Variants in PHF8 observed in about 807,000 individuals in gnomAD.
PHF8 encodes histone lysine demethylase PHF8.
In PHF8, 9 loss-of-function variants were observed where a neutral mutation model predicts 74.4. The observed-to-expected ratio is 0.12, with a 90% CI of 0.07 to 0.21. The LOEUF (loss-of-function observed/expected upper bound fraction) is 0.21, where lower values mean the gene tolerates loss of function less well. Ranked by LOEUF, PHF8 falls within the 10% of genes least tolerant of loss-of-function variation. The probability of loss-of-function intolerance (pLI) is 1.00; values close to 1 mark genes in which losing one functional copy is unlikely to be tolerated. For synonymous variants in PHF8, 311 were observed against 316.6 expected (o/e 0.98, Z 0.19); for missense variants, 478 against 816.6 (o/e 0.59, Z 5.05).
intron 19 of PHF8, among the ~76,000 whole-genome samples, chrX:53,958,775 C>CAA (rs1203323417): frequency 0.041 from 534 of 13,133 alleles, 60 homozygotes; most frequent in African/African-American, 0.11. Context: ...GACTCCCTCT[C>CAA]AAAAAAAAAA....
chrX:54,013,360 C>A (rs1788069168), intron 7 of PHF8, among the ~76,000 whole-genome samples: 1 of 111,268 alleles, frequency 9.0e-6, no homozygotes, highest in African/African-American at 3.3e-5. Flanking sequence ...ATACAACTGA[C>A]AAAATTCATC....
chrX:54,018,473 TA>T (rs1557108841), intron 4 of PHF8, among the ~76,000 whole-genome samples: 1 of 102,042 alleles, frequency 9.8e-6, no homozygotes, highest in African/African-American at 3.8e-5. Context: ...TTTTTTTTTT[TA>T]AAGAAAAGAA....
intron 19 of PHF8, among the ~76,000 whole-genome samples, chrX:53,954,393 G>C (rs2064978264): frequency 9.5e-6 from 1 of 105,623 alleles, no homozygotes; most frequent in Non-Finnish European, 1.9e-5. Flanking sequence ...CCAGCTACTG[G>C]GGAGGCTGAG....
chrX:53,984,933 G>A lies in PHF8; in HGVS notation c.2424C>T (p.Cys808=). The A allele has an allele frequency of 8.3e-7, 1 of 1,209,763 alleles. No homozygotes were observed. The highest frequency in any genetic ancestry group is 1.8e-5 in the South Asian group (1 of 56,861). ...CCTTACTATACTCTGCATCCTTGAA[G>A]CACGCTCCCAAGCTGTCCTGTTCAT... ...SLDEQDSLGA[C]FKDAEYIYPS... The change falls in exon 18 of 22, where the codon TGC becomes TGT. Residue 808 remains cysteine, a synonymous_variant. Coordinates refer to ENST00000338154, the MANE Select transcript of PHF8 (RefSeq NM_015107.3).
At chrX:54,032,696 C>T (rs1268989568) in intron 2 of PHF8, among the ~76,000 whole-genome samples, 2 of 110,522 alleles carry the variant, frequency 1.8e-5, no homozygotes, top group African/African-American at 6.6e-5. Flanking sequence ...TGTTCACTGC[C>T]GTATCCCCCC....
At chrX:54,029,471 C>T (rs1184647559) in intron 2 of PHF8, among the ~76,000 whole-genome samples, 6 of 112,321 alleles carry the variant, frequency 5.3e-5, no homozygotes, top group Non-Finnish European at 1.1e-4. Flanking sequence ...ATCTGTGGGG[C>T]CTAATGGAAA....
intron 19 of PHF8, among the ~76,000 whole-genome samples, chrX:53,945,025 AAAT>A (rs781910595): frequency 5.5e-4 from 59 of 108,225 alleles, no homozygotes; most frequent in Admixed American, 4.8e-3. Context: ...CTGTCTCAAA[AAAT>A]AATAATAATA....
intron 4 of PHF8, 95 bp from the exon 5 acceptor site, chrX:54,017,916 G>A: frequency 2.4e-6 from 2 of 818,298 alleles, no homozygotes; most frequent in Non-Finnish European, 3.6e-6. Flanking sequence ...GGGTTTTTAT[G>A]AGGGGACTTA....
At chrX:53,946,685 T>A (rs1557085246) in intron 19 of PHF8, among the ~76,000 whole-genome samples, 1 of 112,309 alleles carries the variant, frequency 8.9e-6, no homozygotes, top group Non-Finnish European at 1.9e-5. Flanking sequence ...TAGACCCTGA[T>A]TTAAACAAAT....
chrX:53,978,980 G>A (rs1470363862), intron 18 of PHF8, among the ~76,000 whole-genome samples: 1 of 111,093 alleles, frequency 9.0e-6, no homozygotes, highest in Non-Finnish European at 1.9e-5. Context: ...GTAACACAAA[G>A]GAGGTTAGGG....
At chrX:53,996,592 G>GGA (rs782497925) in intron 11 of PHF8, among the ~76,000 whole-genome samples, 5 of 111,064 alleles carry the variant, frequency 4.5e-5, no homozygotes, top group Non-Finnish European at 9.4e-5. Flanking sequence ...CACCCAGGCT[G>GGA]GAGTTCAGTG....
intron 14 of PHF8, among the ~76,000 whole-genome samples, chrX:53,991,661 C>CA (rs1201744328): frequency 0.13 from 2,110 of 16,620 alleles, 293 homozygotes; most frequent in African/African-American, 0.25. Context: ...GACTCTGTCT[C>CA]AAAAAAAAAA....
intron 12 of PHF8, 57 bp from the exon 13 acceptor site, chrX:53,993,960 C>CT (rs2065709248): frequency 2.2e-6 from 2 of 896,950 alleles, no homozygotes; most frequent in Non-Finnish European, 3.2e-6. Context: ...TCTCTCAACA[C>CT]TAACAGCAGA....
rs1401346950 is a variant in PHF8 at position 54,020,504 on chromosome X, A to G, written c.293+1755T>C. 3.6e-5 allele frequency among the ~76,000 whole-genome samples: 4 copies of G among 111,747 alleles called. No individual in the cohort carries two copies. In the Admixed American group the frequency reaches 3.8e-4, roughly 11 times the overall value. On this transcript the variant is annotated intron_variant, in intron 4 of 21. Transcript: ENST00000338154. ...GCTATTATGGATTGATCTCAAATAT[A>G]TATTTTTTTAAAAAAAAGCAAGATA...
intron 10 of PHF8, among the ~76,000 whole-genome samples, chrX:54,001,743 T>G (rs1489755698): frequency 9.0e-6 from 1 of 110,934 alleles, no homozygotes; most frequent in East Asian, 2.9e-4. Context: ...AACAAGACCC[T>G]GTTCATACAA....
At chrX:53,982,565 G>A (rs7884825) in intron 18 of PHF8, among the ~76,000 whole-genome samples, 1,776 of 112,226 alleles carry the variant, frequency 0.016, 39 homozygotes, top group African/African-American at 0.056. Flanking sequence ...TCACAGAGAG[G>A]CATAGAGAGG....
Position 53,940,228 on chromosome X carries a change from T to C in PHF8, c.2938A>G (p.Thr980Ala). The C allele has an allele frequency of 8.4e-7, 1 of 1,193,057 alleles. No individual in the cohort carries two copies. Among genetic ancestry groups the C allele is most frequent in the Non-Finnish European group, 1.1e-6 (1 of 885,818 alleles). The stretch of plus-strand genomic sequence containing the variant: ...GAGCCAACTGAAGGGCGCCGCTGGG[T>C]CAAGAAGACACCGGGGGCCATAGGT... ...TTPMAPGVFL[T>A]QRRPSVGSQS... Residue 980 changes from threonine (T) to alanine (A), a missense_variant, in exon 21 of 22, where the codon ACC becomes GCC. This residue lies in a region of PHF8 where 75 missense variants were observed against 93.3 expected (regional missense o/e 0.80). Coordinates refer to ENST00000338154, the MANE Select transcript of PHF8 (RefSeq NM_015107.3).
intron 20 of PHF8, chrX:53,942,630 T>C: frequency 7.3e-6 from 5 of 683,184 alleles, no homozygotes; most frequent in Non-Finnish European, 8.7e-6. Flanking sequence ...GTATTCATAG[T>C]TTAATAAGAA....
chrX:53,950,331 A>C (rs1306284967), intron 19 of PHF8, among the ~76,000 whole-genome samples: 1 of 112,342 alleles, frequency 8.9e-6, no homozygotes, highest in Admixed American at 9.5e-5. Context: ...ATAGCTGTTT[A>C]AGGTGATGGA....
Sources: gnomAD v4.1 joint callset for allele counts (sites outside exome capture counted in the v4.1 genomes callset) on GRCh38, gnomAD v4.1.1 for gene constraint, gnomAD v4.1.1 regional missense constraint, MANE v1.5 for transcripts, NCBI Gene and HGNC (gene_info 2026-07-23, HGNC 2026-07-21) for gene names.